MACROD2: variants seen among roughly 807,000 people sequenced by gnomAD.
MACROD2 encodes the protein ADP-ribose glycohydrolase MACROD2.
MACROD2 carries 36 observed loss-of-function variants against 70.4 expected under a neutral mutation model. The ratio of observed to expected loss-of-function variants is 0.51; its 90% CI spans 0.39 to 0.68. The LOEUF is 0.68. MACROD2 is among the 30% of genes least tolerant of loss of function. The pLI, the probability that MACROD2 is intolerant of heterozygous loss-of-function variation, is 0.00. For missense variants in MACROD2, 496 were observed against 538.4 expected (o/e 0.92, Z 0.78); for synonymous variants, 172 against 178.8 (o/e 0.96, Z 0.30).
At chr20:14,003,271 C>G (rs1313476785) in intron 2 of MACROD2, among the ~76,000 whole-genome samples, 1 of 152,136 alleles carries the variant, frequency 6.6e-6, no homozygotes, top group African/African-American at 2.4e-5. Context: ...AAAGATTAGG[C>G]CTTGGTGTCT....
intron 3 of MACROD2, among the ~76,000 whole-genome samples, chr20:14,130,786 T>C (rs2054706869): frequency 1.3e-5 from 2 of 152,308 alleles, no homozygotes; most frequent in African/African-American, 2.4e-5. Context: ...GGGATAAATT[T>C]GTCATTTTTT....
intron 5 of MACROD2, among the ~76,000 whole-genome samples, chr20:14,882,588 C>G (rs1347880621): frequency 2.6e-5 from 4 of 152,172 alleles, no homozygotes; most frequent in African/African-American, 9.7e-5. Flanking sequence ...CTTCTCTTTG[C>G]TCCTTCCAAT....
intron 5 of MACROD2, among the ~76,000 whole-genome samples, chr20:15,160,718 T>C (rs531479953): frequency 6.6e-6 from 1 of 152,254 alleles, no homozygotes; most frequent in African/African-American, 2.4e-5. Context: ...TAACCCATTA[T>C]ATCCCTTGAT....
At chr20:15,779,134 C>G (rs2051786745) in intron 8 of MACROD2, among the ~76,000 whole-genome samples, 1 of 152,050 alleles carries the variant, frequency 6.6e-6, no homozygotes, top group African/African-American at 2.4e-5. Context: ...CAGGAGTTAC[C>G]TGGAGACTCG....
chr20:15,724,896 C>T (rs1440469659), intron 8 of MACROD2, among the ~76,000 whole-genome samples: 3 of 152,048 alleles, frequency 2.0e-5, no homozygotes, highest in Non-Finnish European at 4.4e-5. Flanking sequence ...TCCTGGCTAA[C>T]ACGGTGAAAC....
chr20:14,149,215 A>G (rs1012210057), intron 3 of MACROD2, among the ~76,000 whole-genome samples: 4 of 150,806 alleles, frequency 2.7e-5, no homozygotes, highest in African/African-American at 9.7e-5. Flanking sequence ...TGAGTACCCA[A>G]TGTTTAGCTC....
chr20:14,757,025 T>C (rs1335238009), intron 5 of MACROD2, among the ~76,000 whole-genome samples: 1 of 152,134 alleles, frequency 6.6e-6, no homozygotes, highest in Non-Finnish European at 1.5e-5. Flanking sequence ...CAGAAGTCAA[T>C]TAAACTTCTT....
intron 13 of MACROD2, among the ~76,000 whole-genome samples, chr20:15,976,256 C>T (rs1007491759): frequency 6.6e-6 from 1 of 152,156 alleles, no homozygotes; most frequent in Non-Finnish European, 1.5e-5. Context: ...TTGAGCCAAA[C>T]TTAATTACCA....
At chr20:15,550,129 C>T (rs2048076242) in intron 8 of MACROD2, among the ~76,000 whole-genome samples, 1 of 151,822 alleles carries the variant, frequency 6.6e-6, no homozygotes, top group Admixed American at 6.6e-5. Flanking sequence ...ATCACATTTA[C>T]TTGTCAGATC....
intron 8 of MACROD2, among the ~76,000 whole-genome samples, chr20:15,504,596 G>A (rs560539188): frequency 9.7e-4 from 148 of 152,274 alleles, no homozygotes; most frequent in African/African-American, 3.3e-3. Flanking sequence ...AAGAGGTAAG[G>A]TGGCAGAGAA....
At chr20:15,589,446 C>A (rs1296272055) in intron 8 of MACROD2, among the ~76,000 whole-genome samples, 1 of 152,198 alleles carries the variant, frequency 6.6e-6, no homozygotes, top group African/African-American at 2.4e-5. Flanking sequence ...CCCCCTCCTC[C>A]CACACAAGCA....
chr20:14,312,286 A>T (rs1216342200), intron 3 of MACROD2, among the ~76,000 whole-genome samples: 1 of 152,184 alleles, frequency 6.6e-6, no homozygotes, highest in Non-Finnish European at 1.5e-5. Context: ...ACTTGAAACT[A>T]GTGAGGCTGC....
Position 14,356,163 on chromosome 20 carries a change from G to A in MACROD2, c.272-137316G>A, listed in dbSNP as rs1053206851. On this transcript the variant is annotated intron_variant, in intron 3 of 17. Coordinates refer to ENST00000684519, the MANE Select transcript of MACROD2 (RefSeq NM_001351661.2). ...TGGGTAAATTACTTAATCTCTGTGT[G>A]TGTGTTTCAGTGTTTCCATATATGA... Among the ~76,000 whole-genome samples, 4 of 152,292 alleles carry A rather than the reference G, an allele frequency of 2.6e-5. No homozygotes were observed. In the East Asian group the frequency reaches 7.7e-4, roughly 29 times the overall value.
intron 8 of MACROD2, among the ~76,000 whole-genome samples, chr20:15,772,100 AAATATATAT>A (rs1369761932): frequency 1.1e-5 from 1 of 89,682 alleles, no homozygotes; most frequent in African/African-American, 6.3e-5. Flanking sequence ...AAAAAAAAAA[AAATATATAT>A]ATATATATAT....
At chr20:14,757,428 T>A in intron 5 of MACROD2, 1 of 399,658 alleles carries the variant, frequency 2.5e-6, no homozygotes, top group Admixed American at 3.8e-5. Flanking sequence ...TTCATTTAGT[T>A]TCAAAAGATT....
intron 3 of MACROD2, among the ~76,000 whole-genome samples, chr20:14,285,650 C>T (rs1369720233): frequency 1.3e-5 from 2 of 151,968 alleles, no homozygotes; most frequent in Admixed American, 1.3e-4. Flanking sequence ...TTTCTTCCTC[C>T]CTTTTTCCTC....
intron 5 of MACROD2, among the ~76,000 whole-genome samples, chr20:15,146,400 C>T (rs1449113669): frequency 6.6e-6 from 1 of 152,086 alleles, no homozygotes; most frequent in African/African-American, 2.4e-5. Context: ...GCCTTGTTTT[C>T]TTGTCTTAAT....
chr20:15,869,238 T>TATATATATATATATATAGAGAGAG, intron 9 of MACROD2, among the ~76,000 whole-genome samples: 25 of 28,288 alleles, frequency 8.8e-4, no homozygotes, highest in East Asian at 2.8e-3. Flanking sequence ...TATATATATA[T>TATATATATATATATATAGAGAGAG]AGAGAGAGAG....
chr20:15,962,546 G>C (rs2147394685), intron 12 of MACROD2, among the ~76,000 whole-genome samples: 1 of 152,278 alleles, frequency 6.6e-6, no homozygotes, highest in South Asian at 2.1e-4. Flanking sequence ...TGAAATTTGT[G>C]TTTTCTAATA....
Sources: gnomAD v4.1 joint callset for allele counts (sites outside exome capture counted in the v4.1 genomes callset) on GRCh38, gnomAD v4.1.1 for gene constraint, MANE v1.5 for transcripts, NCBI Gene and HGNC (gene_info 2026-07-23, HGNC 2026-07-21) for gene names.